RAB4A: variants seen among roughly 807,000 people sequenced by gnomAD.
The protein encoded by RAB4A is ras-related protein Rab-4A.
A neutral mutation model predicts 34.5 loss-of-function variants in RAB4A; 20 were observed. The observed-to-expected ratio is 0.58, with a 90% CI of 0.41 to 0.84. The LOEUF (loss-of-function observed/expected upper bound fraction) is 0.84, where lower values mean the gene tolerates loss of function less well. Among genes scored for constraint, RAB4A ranks in the 40% least tolerant of loss-of-function variants. The pLI is 0.00. For synonymous variants in RAB4A, 102 were observed against 100.0 expected (o/e 1.02, Z -0.12); for missense variants, 228 against 274.5 (o/e 0.83, Z 1.20).
intron 1 of RAB4A, among the ~76,000 whole-genome samples, chr1:229,284,029 G>A (rs919551884): frequency 6.7e-6 from 1 of 149,426 alleles, no homozygotes; most frequent in Non-Finnish European, 1.5e-5. Context: ...GAGCCACTGC[G>A]CCCGGCCTCA....
intron 3 of RAB4A, among the ~76,000 whole-genome samples, chr1:229,289,907 A>G (rs917465882): frequency 6.6e-6 from 1 of 152,224 alleles, no homozygotes; most frequent in Non-Finnish European, 1.5e-5. Flanking sequence ...AGCATTGATT[A>G]AACATGGTGG....
intron 2 of RAB4A, among the ~76,000 whole-genome samples, chr1:229,287,150 C>G (rs1004306531): frequency 2.0e-5 from 3 of 152,050 alleles, no homozygotes; most frequent in Non-Finnish European, 2.9e-5. Flanking sequence ...TGGAAAGAAT[C>G]GTGGAGAAAG....
chr1:229,299,612 A>C (rs1022295764), intron 6 of RAB4A, among the ~76,000 whole-genome samples: 3 of 152,278 alleles, frequency 2.0e-5, no homozygotes, highest in Admixed American at 2.0e-4. Context: ...AAATAATCCT[A>C]ATGTAGGCAG....
At chr1:229,279,839 T>G (rs1286414139) in intron 1 of RAB4A, among the ~76,000 whole-genome samples, 1 of 140,996 alleles carries the variant, frequency 7.1e-6, no homozygotes, top group African/African-American at 2.9e-5. Flanking sequence ...GTGAATATAA[T>G]TATAAACTGA....
intron 4 of RAB4A, among the ~76,000 whole-genome samples, chr1:229,296,909 G>A (rs1265212949): frequency 6.6e-6 from 1 of 152,230 alleles, no homozygotes; most frequent in Non-Finnish European, 1.5e-5. Flanking sequence ...AAAATAGTAA[G>A]TCTGAGAGTT....
chr1:229,289,706 C>T (rs1657016167), intron 3 of RAB4A, among the ~76,000 whole-genome samples: 1 of 152,176 alleles, frequency 6.6e-6, no homozygotes, highest in Non-Finnish European at 1.5e-5. Context: ...ATCCCAGCTA[C>T]TCTGGAGGCT....
At chr1:229,294,267 A>G (rs1437010724) in intron 3 of RAB4A, among the ~76,000 whole-genome samples, 1 of 152,212 alleles carries the variant, frequency 6.6e-6, no homozygotes, top group Non-Finnish European at 1.5e-5. Flanking sequence ...TTTGAGTCGA[A>G]TGTTAAGAGA....
chr1:229,294,789 C>T (rs1657193192), intron 3 of RAB4A, among the ~76,000 whole-genome samples: 1 of 152,162 alleles, frequency 6.6e-6, no homozygotes, highest in South Asian at 2.1e-4. Flanking sequence ...GAGATCGCGC[C>T]ATTGCACTCT....
intron 1 of RAB4A, among the ~76,000 whole-genome samples, chr1:229,285,068 G>A (rs144380937): frequency 7.2e-5 from 11 of 152,284 alleles, no homozygotes; most frequent in Admixed American, 2.0e-4. Context: ...GTGGTGGCAC[G>A]ATTCTAACTC....
At chr1:229,275,614 CTTTTTTT>C (rs1028884521) in intron 1 of RAB4A, among the ~76,000 whole-genome samples, 2,832 of 131,026 alleles carry the variant, frequency 0.022, 88 homozygotes, top group African/African-American at 0.073. Flanking sequence ...ATTTCTTTTC[CTTTTTTT>C]TTTTTTTTTT....
chr1:229,279,622 G>A (rs905474900), intron 1 of RAB4A, among the ~76,000 whole-genome samples: 8 of 151,976 alleles, frequency 5.3e-5, no homozygotes, highest in Admixed American at 1.3e-4. Flanking sequence ...TTTTTTCCTG[G>A]TCTTTATTTT....
rs185795579 is a variant in RAB4A, at chr1:229,276,648, C to A, written c.31+5278C>A. ...ATAAAGTTAGAGTCCATTTTTAATT[C>A]TTCCCCATCCTTACCTCCTGGATCT... On this transcript the variant is annotated intron_variant, in intron 1 of 7. Transcript: ENST00000366690. Among the ~76,000 whole-genome samples, 46 of 151,536 alleles carry A rather than the reference C, an allele frequency of 3.0e-4. 4 individuals carry two copies. The highest frequency in any genetic ancestry group is 1.1e-3 in the African/African-American group (46 of 40,844).
chr1:229,302,283 ATATATATATATATATATATATATATATTT>A (rs1328140909), intron 6 of RAB4A, among the ~76,000 whole-genome samples: 3 of 19,914 alleles, frequency 1.5e-4, no homozygotes, highest in Non-Finnish European at 2.7e-4. Flanking sequence ...ATATATATAT[ATATATATATATATATATATATATATATTT>A]TTTTTTTTTT....
Position 229,272,420 on chromosome 1 carries a change from A to G in RAB4A, c.31+1050A>G, listed in dbSNP as rs72481821. On this transcript the variant is annotated intron_variant, in intron 1 of 7. Transcript: ENST00000366690. ...GAGCACCGTGCTGGGAGGGCTGTAC[A>G]TCCTGCAGAAACACAGCAGACACGG... is the stretch of plus-strand genomic sequence containing the variant. 2.0e-4 allele frequency among the ~76,000 whole-genome samples: 30 copies of G among 152,196 alleles called. 1 individual carries two copies. Among genetic ancestry groups the G allele is most frequent in the East Asian group, 1.6e-3 (8 of 5,156 alleles).
In RAB4A at chr1:229,286,602, G is replaced by A. The variant is rs781343688; in HGVS notation, c.112+36G>A. ...TGAAATTAGTCATTCTTCCGTGCAT[G>A]TCTTCTGAGAGCCCTCTCACTCAGA... On this transcript the variant is annotated intron_variant, in intron 2 of 7. Coordinates refer to ENST00000366690, the MANE Select transcript of RAB4A (RefSeq NM_004578.4). The A allele has an allele frequency of 5.4e-6, 7 of 1,306,072 alleles. No homozygotes were observed. In the East Asian group the frequency reaches 1.8e-4, roughly 33 times the overall value. The allele number at this position is 1,306,072 out of a possible 1,614,324, so 80.9% of individuals were successfully genotyped here. A position where few individuals can be genotyped will look rare whatever the true frequency, so the allele number is the denominator to read the frequency against.
intron 3 of RAB4A, among the ~76,000 whole-genome samples, chr1:229,292,630 C>T (rs955091905): frequency 1.3e-5 from 2 of 152,194 alleles, no homozygotes; most frequent in African/African-American, 2.4e-5. Flanking sequence ...TACATGAAGA[C>T]CTTGAAGCTT....
chr1:229,273,126 G>A (rs1656540066), intron 1 of RAB4A, among the ~76,000 whole-genome samples: 1 of 152,198 alleles, frequency 6.6e-6, no homozygotes, highest in Non-Finnish European at 1.5e-5. Context: ...AGGGTGGAAT[G>A]TCCAAATAAG....
chr1:229,295,408 A>G (rs1657221975), intron 3 of RAB4A, among the ~76,000 whole-genome samples: 1 of 152,112 alleles, frequency 6.6e-6, no homozygotes. Flanking sequence ...CGTGGTGACT[A>G]TGGATTCCTG....
chr1:229,271,328 G>A lies in RAB4A; in HGVS notation c.-12G>A. The A allele has an allele frequency of 1.5e-6, 2 of 1,313,918 alleles. No individual in the cohort carries two copies. Among genetic ancestry groups the A allele is most frequent in the Admixed American group, 3.6e-5 (1 of 27,778 alleles). 81.4% of individuals were successfully genotyped at this position (1,313,918 alleles called of 1,614,324 possible). ...AGCCGGTGACCCGGCGAGAGGCGGC[G>A]CCGCTCCCAAGATGTCGCAGACGGC... On this transcript the variant is annotated 5_prime_UTR_variant, in exon 1 of 8. Coordinates refer to ENST00000366690, the MANE Select transcript of RAB4A (RefSeq NM_004578.4).
Sources: gnomAD v4.1 joint callset for allele counts (sites outside exome capture counted in the v4.1 genomes callset) on GRCh38, gnomAD v4.1.1 for gene constraint, MANE v1.5 for transcripts, NCBI Gene and HGNC (gene_info 2026-07-23, HGNC 2026-07-21) for gene names.